The following CFAP54 variants were observed in gnomAD, a reference collection of about 807,000 sequenced individuals.
The protein encoded by CFAP54 is cilia- and flagella-associated protein 54.
CFAP54 carries 290 observed loss-of-function variants against 370.4 expected under a neutral mutation model. That is an observed-to-expected ratio of 0.78 (90% CI 0.71 to 0.86). The LOEUF (loss-of-function observed/expected upper bound fraction) is 0.86, where lower values mean the gene tolerates loss of function less well. Ranked by LOEUF, CFAP54 falls within the 40% of genes least tolerant of loss-of-function variation. CFAP54 has a pLI of 0.00. For synonymous variants in CFAP54, 1,206 were observed against 1,236.5 expected (o/e 0.98, Z 0.52); for missense variants, 3,399 against 3,528.7 (o/e 0.96, Z 0.93).
Position 96,743,748 on chromosome 12 carries a change from G to A in CFAP54, c.7395G>A (p.Leu2465=), listed in dbSNP as rs1167062481. Residue 2465 remains leucine, a synonymous_variant, in exon 54 of 68, where the codon CTG becomes CTA. Coordinates refer to ENST00000524981, the MANE Select transcript of CFAP54 (RefSeq NM_001306084.2). ...TTTAATAGGATATAATACATTTGCT[G>A]GAAGGAAATGAATTTATTTCTCCTC... The part of the protein sequence containing the change: ...MTNLQDIIHL[L]EGNEFISPQS... 1 of 1,605,702 alleles carries A rather than the reference G, an allele frequency of 6.2e-7. No homozygotes were observed. The highest frequency in any genetic ancestry group is 2.2e-5 in the East Asian group (1 of 44,814).
At chr12:96,581,665 A>G (rs1451847517) in intron 22 of CFAP54, among the ~76,000 whole-genome samples, 1 of 127,516 alleles carries the variant, frequency 7.8e-6, no homozygotes, top group Non-Finnish European at 1.7e-5. Context: ...CTATTTATCT[A>G]TCTAATTAAT....
chr12:96,791,844 T>G (rs1958699301), intron 62 of CFAP54, among the ~76,000 whole-genome samples: 2 of 151,248 alleles, frequency 1.3e-5, no homozygotes, highest in Non-Finnish European at 2.9e-5. Flanking sequence ...CTGAAGCATT[T>G]TTTTTTCTTT....
chr12:96,772,533 T>C (rs998132731), intron 60 of CFAP54, among the ~76,000 whole-genome samples: 3 of 152,070 alleles, frequency 2.0e-5, no homozygotes, highest in Admixed American at 2.0e-4. Flanking sequence ...TAGGCCCACC[T>C]GGATAACCCA....
At chr12:96,732,431 C>T (rs1368898129) in intron 50 of CFAP54, among the ~76,000 whole-genome samples, 1 of 152,112 alleles carries the variant, frequency 6.6e-6, no homozygotes, top group African/African-American at 2.4e-5. Context: ...CATGCCTGGC[C>T]ACTTGGTAGC....
rs2136568077 is a variant in CFAP54, at chr12:96,693,909, A to G, written c.6351+101A>G. ...GACTTATAATAACAAGCTGATAATA[A>G]CATGGCATTACACTGATGTAAGAAA... On this transcript the variant is annotated intron_variant, in intron 45 of 67. Transcript: ENST00000524981. 4.4e-6 allele frequency: 3 copies of G among 682,086 alleles called. No individual in the cohort carries two copies. The South Asian group carries it at 6.3e-5, about 14-fold the overall frequency. The allele number at this position is 682,086 out of a possible 1,614,324, so 42.3% of individuals were successfully genotyped here.
chr12:96,797,392 CT>C (rs1242202132), intron 63 of CFAP54, among the ~76,000 whole-genome samples: 6 of 151,898 alleles, frequency 4.0e-5, no homozygotes, highest in African/African-American at 1.4e-4. Context: ...TTTCGTCTGC[CT>C]TTTTTAAAAA....
At chr12:96,631,729 A>G (rs1244904656) in intron 32 of CFAP54, among the ~76,000 whole-genome samples, 1 of 149,060 alleles carries the variant, frequency 6.7e-6, no homozygotes, top group Non-Finnish European at 1.5e-5. Flanking sequence ...CATATAATAT[A>G]TATTATATAT....
intron 42 of CFAP54, among the ~76,000 whole-genome samples, chr12:96,688,668 T>C (rs1957353801): frequency 6.6e-6 from 1 of 152,164 alleles, no homozygotes; most frequent in South Asian, 2.1e-4. Context: ...TCCGTGTGTA[T>C]AATTATATAC....
chr12:96,561,655 AT>A (rs1278364118), intron 17 of CFAP54, among the ~76,000 whole-genome samples: 4 of 149,030 alleles, frequency 2.7e-5, no homozygotes, highest in Non-Finnish European at 5.9e-5. Context: ...AAGAGTGCTC[AT>A]TGCTATTGAG....
chr12:96,696,647 G>T (rs547468014), intron 45 of CFAP54, among the ~76,000 whole-genome samples: 1 of 152,166 alleles, frequency 6.6e-6, no homozygotes, highest in East Asian at 1.9e-4. Flanking sequence ...ATTAATTATA[G>T]AAATTGGATC....
At chr12:96,749,872 G>A (rs1958163459) in intron 55 of CFAP54, among the ~76,000 whole-genome samples, 1 of 152,108 alleles carries the variant, frequency 6.6e-6, no homozygotes, top group East Asian at 1.9e-4. Context: ...TTTATTGTGG[G>A]TCATGTCTAG....
At chr12:96,656,123 A>T (rs1956920112) in intron 36 of CFAP54, among the ~76,000 whole-genome samples, 1 of 152,146 alleles carries the variant, frequency 6.6e-6, no homozygotes, top group African/African-American at 2.4e-5. Context: ...AAAAGTTTTT[A>T]AAAAATCACA....
chr12:96,731,613 C>A (rs941721104), intron 50 of CFAP54, among the ~76,000 whole-genome samples: 6 of 152,108 alleles, frequency 3.9e-5, no homozygotes, highest in African/African-American at 1.4e-4. Flanking sequence ...TATGAGCCAC[C>A]ACGAGCTTGA....
intron 63 of CFAP54, among the ~76,000 whole-genome samples, chr12:96,804,087 T>A (rs1460963848): frequency 6.6e-6 from 1 of 151,858 alleles, no homozygotes; most frequent in Non-Finnish European, 1.5e-5. Context: ...TTGAAGGAAA[T>A]ACAGAATACA....
At chr12:96,805,332 A>G (rs185881068) in intron 63 of CFAP54, among the ~76,000 whole-genome samples, 2 of 152,206 alleles carry the variant, frequency 1.3e-5, no homozygotes, top group East Asian at 1.9e-4. Context: ...ATTGCAAACT[A>G]TGTATCTAAC....
chr12:96,638,371 G>T lies in CFAP54; in HGVS notation c.4317-5807G>T, dbSNP rs181975328. On this transcript the variant is annotated intron_variant, in intron 32 of 67. Transcript: ENST00000524981. ...CTACTTCAGTCTCCTGAGTAGCTAGGACTGCAGGCATGTACCACCACACCT... is the reference window on the plus strand; with the variant it reads ...CTACTTCAGTCTCCTGAGTAGCTAGTACTGCAGGCATGTACCACCACACCT... Among the ~76,000 whole-genome samples, 709 of 151,406 alleles carry T rather than the reference G, an allele frequency of 4.7e-3. 4 individuals carry two copies. The highest frequency in any genetic ancestry group is 0.016 in the African/African-American group (672 of 41,260).
intron 17 of CFAP54, among the ~76,000 whole-genome samples, chr12:96,557,294 C>T (rs1362315812): frequency 7.2e-5 from 11 of 152,118 alleles, no homozygotes; most frequent in Non-Finnish European, 1.3e-4. Flanking sequence ...AATTCCAAAA[C>T]ATCAATAATA....
At chr12:96,529,462 G>A (rs1421713325) in intron 9 of CFAP54, among the ~76,000 whole-genome samples, 1 of 151,744 alleles carries the variant, frequency 6.6e-6, no homozygotes, top group Non-Finnish European at 1.5e-5. Flanking sequence ...TTTTTAGTTT[G>A]CACACCCATC....
intron 58 of CFAP54, among the ~76,000 whole-genome samples, chr12:96,761,919 A>G (rs567880339): frequency 5.7e-4 from 87 of 152,258 alleles, no homozygotes; most frequent in Non-Finnish European, 9.7e-4. Context: ...TGTAAAGTGC[A>G]TGTTCCAACT....
Sources: gnomAD v4.1 joint callset for allele counts (sites outside exome capture counted in the v4.1 genomes callset) on GRCh38, gnomAD v4.1.1 for gene constraint, MANE v1.5 for transcripts, NCBI Gene and HGNC (gene_info 2026-07-23, HGNC 2026-07-21) for gene names.